The following MAP2K5 variants were observed in gnomAD, a reference collection of about 807,000 sequenced individuals.
The protein encoded by MAP2K5 is mitogen-activated protein kinase kinase 5.
MAP2K5 carries 49 observed loss-of-function variants against 83.1 expected under a neutral mutation model. That is an observed-to-expected ratio of 0.59 (90% CI 0.47 to 0.75). The LOEUF (loss-of-function observed/expected upper bound fraction) is 0.75. Among genes scored for constraint, MAP2K5 ranks in the 30% least tolerant of loss-of-function variants. The probability of loss-of-function intolerance (pLI) is 0.00; values close to 1 mark genes in which losing one functional copy is unlikely to be tolerated. For synonymous variants in MAP2K5, 202 were observed against 191.8 expected, an observed-to-expected ratio of 1.05 and a Z score of -0.44; for missense variants, 457 against 557.5, an observed-to-expected ratio of 0.82 and a Z score of 1.82.
rs1318882626 is a variant in MAP2K5 at position 67,577,390 on chromosome 15, A to G, written c.253-3364A>G. 1.3e-5 allele frequency among the ~76,000 whole-genome samples: 2 copies of G among 152,224 alleles called. No homozygotes were observed. Among genetic ancestry groups the G allele is most frequent in the Non-Finnish European group, 2.9e-5 (2 of 68,034 alleles). Reference sequence around the variant, plus strand: ...ATCAGTAAATGTTTATTAAACACCTACTATGTGCAGAGCTTTGTGTTAGGG... The same window carrying G: ...ATCAGTAAATGTTTATTAAACACCTGCTATGTGCAGAGCTTTGTGTTAGGG... On this transcript the variant is annotated intron_variant, in intron 3 of 21. Transcript: ENST00000178640. The surrounding 1 kb of genome is among the most constrained non-coding windows in gnomAD (Gnocchi z 4.1).
chr15:67,740,857 G>A (rs567651147), intron 17 of MAP2K5, among the ~76,000 whole-genome samples: 23 of 151,900 alleles, frequency 1.5e-4, no homozygotes, highest in African/African-American at 4.1e-4. Flanking sequence ...GCGAAACCCC[G>A]TCTCTACTAA....
Position 67,782,763 on chromosome 15 carries a change from C to T in MAP2K5, c.1242+10011C>T, listed in dbSNP as rs554167588. ...CGCTCTAACTCTGGGGAAGGCAGAT[C>T]GGCAACCCTGGAATGCTGGTTTATG... On this transcript the variant is annotated intron_variant, in intron 21 of 21. Transcript: ENST00000178640. This position sits in a 1 kb window ranked among gnomAD's most constrained non-coding sequence, Gnocchi z 4.9. Among the ~76,000 whole-genome samples, 10 of 152,312 alleles carry T rather than the reference C, an allele frequency of 6.6e-5. No homozygotes were observed. The highest frequency in any genetic ancestry group is 3.4e-3 in the Middle Eastern group (1 of 294).
chr15:67,769,646 A>C lies in MAP2K5; in HGVS notation c.1179A>C (p.Val393=). ...TTGGAGAGTTCTCGGAGCCATTTGT[A>C]CATTTCATCACTCAGTGGTGAGCCC... The part of the protein sequence containing the change: ...LPVGEFSEPF[V]HFITQCMRKQ... The change falls in exon 20 of 22, where the codon GTA becomes GTC. Residue 393 remains valine (V), a synonymous_variant. Transcript: ENST00000178640. This position sits in a 1 kb window ranked among gnomAD's most constrained non-coding sequence, Gnocchi z 5.2. 6.2e-7 allele frequency: 1 copy of C among 1,613,762 alleles called. No homozygotes were observed.
chr15:67,608,554 C>A (rs1471668492), intron 8 of MAP2K5, among the ~76,000 whole-genome samples: 1 of 152,194 alleles, frequency 6.6e-6, no homozygotes, highest in Non-Finnish European at 1.5e-5. Context: ...TGAGGAAGAA[C>A]TGATGGCTTT....
chr15:67,696,963 G>A (rs528940933), intron 15 of MAP2K5, among the ~76,000 whole-genome samples: 1 of 152,196 alleles, frequency 6.6e-6, no homozygotes, highest in Non-Finnish European at 1.5e-5. Context: ...TGGGCAACAA[G>A]AGTGAAACTC....
chr15:67,660,185 G>GT (rs57950818), intron 12 of MAP2K5, among the ~76,000 whole-genome samples: 1 of 151,992 alleles, frequency 6.6e-6, no homozygotes, highest in African/African-American at 2.4e-5. Flanking sequence ...TAGAAGAAAT[G>GT]TTTTTTAATA....
At chr15:67,754,877 A>C (rs2089802350) in intron 19 of MAP2K5, among the ~76,000 whole-genome samples, 1 of 152,184 alleles carries the variant, frequency 6.6e-6, no homozygotes, top group Non-Finnish European at 1.5e-5. Flanking sequence ...GGAAGGTTTG[A>C]CATGTTGAAA....
chr15:67,645,207 A>G (rs2086804068), intron 9 of MAP2K5, among the ~76,000 whole-genome samples: 1 of 147,586 alleles, frequency 6.8e-6, no homozygotes, highest in Non-Finnish European at 1.5e-5. Flanking sequence ...GCCAGTTGTG[A>G]TGGCTCATGC....
rs2084739879 is a variant in MAP2K5, at chr15:67,561,618, C to G, written c.185-1665C>G. Among the ~76,000 whole-genome samples, 1 of 152,180 alleles carries G rather than the reference C, an allele frequency of 6.6e-6. No individual in the cohort carries two copies. Among genetic ancestry groups the G allele is most frequent in the South Asian group, 2.1e-4 (1 of 4,828 alleles). On this transcript the variant is annotated intron_variant, in intron 2 of 21. Transcript: ENST00000178640. The surrounding 1 kb of genome is among the most constrained non-coding windows in gnomAD (Gnocchi z 4.2). Reference sequence around the variant, plus strand: ...GTTGGGGAACTCTGCAGCAGTGAACCAGGATCCAGAAACAAGTGCTTGGAA... The same window carrying G: ...GTTGGGGAACTCTGCAGCAGTGAACGAGGATCCAGAAACAAGTGCTTGGAA...
intron 16 of MAP2K5, among the ~76,000 whole-genome samples, chr15:67,704,277 A>T (rs995827784): frequency 6.6e-6 from 1 of 152,166 alleles, no homozygotes. Context: ...CTTAATAGAG[A>T]TAGGGTCTTG....
intron 8 of MAP2K5, among the ~76,000 whole-genome samples, chr15:67,618,455 A>G (rs2086105171): frequency 6.6e-6 from 1 of 152,094 alleles, no homozygotes; most frequent in African/African-American, 2.4e-5. Flanking sequence ...ATGGCTTTAC[A>G]TATCATCTGT....
In MAP2K5 at chr15:67,644,074, A is replaced by G. The variant is rs529910159; in HGVS notation, c.586-2157A>G. Among the ~76,000 whole-genome samples the G allele has an allele frequency of 3.9e-5, 6 of 152,272 alleles. No individual in the cohort carries two copies. The highest frequency in any genetic ancestry group is 1.2e-4 in the African/African-American group (5 of 41,548). Reference sequence around the variant, plus strand: ...AAATCATAAAAATTGTTTTCCACCTATTCTATTCTCATCACTGCCTTTTAA... The same window carrying G: ...AAATCATAAAAATTGTTTTCCACCTGTTCTATTCTCATCACTGCCTTTTAA... On this transcript the variant is annotated intron_variant, in intron 9 of 21. Transcript: ENST00000178640. The surrounding 1 kb of genome is among the most constrained non-coding windows in gnomAD (Gnocchi z 4.6).
In MAP2K5 at chr15:67,802,946, G is replaced by T. The variant is rs913459171; in HGVS notation, c.1243-3700G>T. Reference sequence around the variant, plus strand: ...CTCGAGGTTGGCTGTCTGATTGCAGGCACAGGAGAGCAAGGCGTTTGGAGT... The same window carrying T: ...CTCGAGGTTGGCTGTCTGATTGCAGTCACAGGAGAGCAAGGCGTTTGGAGT... On this transcript the variant is annotated intron_variant, in intron 21 of 21. Coordinates refer to ENST00000178640, the MANE Select transcript of MAP2K5 (RefSeq NM_145160.3). This position sits in a 1 kb window ranked among gnomAD's most constrained non-coding sequence, Gnocchi z 5.0. Among the ~76,000 whole-genome samples the T allele has an allele frequency of 6.6e-6, 1 of 152,206 alleles. No homozygotes were observed. Among genetic ancestry groups the T allele is most frequent in the Admixed American group, 6.5e-5 (1 of 15,284 alleles).
rs1448562037 is a variant in MAP2K5, at chr15:67,746,398, G to A, written c.1075-1833G>A. On this transcript the variant is annotated intron_variant, in intron 17 of 21. Coordinates refer to ENST00000178640, the MANE Select transcript of MAP2K5 (RefSeq NM_145160.3). This position sits in a 1 kb window ranked among gnomAD's most constrained non-coding sequence, Gnocchi z 4.1. ...TTTATTCATTACAAATAACTCCGTT[G>A]TTGAAGCAGATATATCTTACTAGGA... Among the ~76,000 whole-genome samples the A allele has an allele frequency of 6.6e-6, 1 of 151,978 alleles. No individual in the cohort carries two copies. The highest frequency in any genetic ancestry group is 2.4e-5 in the African/African-American group (1 of 41,390).
chr15:67,687,553 A>C (rs143219898), intron 13 of MAP2K5, among the ~76,000 whole-genome samples: 3 of 152,302 alleles, frequency 2.0e-5, no homozygotes, highest in African/African-American at 7.2e-5. Flanking sequence ...CACAGCACCT[A>C]GTACCATATC....
At chr15:67,606,284 A>G (rs78077978) in intron 8 of MAP2K5, among the ~76,000 whole-genome samples, 1,709 of 152,264 alleles carry the variant, frequency 0.011, 15 homozygotes, top group Non-Finnish European at 0.015. Flanking sequence ...CAAGACTCAT[A>G]TTTTCAGCTT....
chr15:67,647,737 G>A (rs903488541), intron 11 of MAP2K5, among the ~76,000 whole-genome samples: 10 of 152,140 alleles, frequency 6.6e-5, no homozygotes, highest in Admixed American at 4.6e-4. Flanking sequence ...AGGTGTGGTA[G>A]CGCATACCTG....
At chr15:67,584,005 T>C (rs2140998976) in intron 4 of MAP2K5, among the ~76,000 whole-genome samples, 1 of 151,992 alleles carries the variant, frequency 6.6e-6, no homozygotes, top group Middle Eastern at 3.4e-3. Context: ...CACCACCACT[T>C]CTCCAAGTGC....
chr15:67,708,322 TAA>T lies in MAP2K5; in HGVS notation c.1044+4927_1044+4928del, dbSNP rs200154926. 1.4e-5 allele frequency among the ~76,000 whole-genome samples: 2 copies of T among 142,438 alleles called. No homozygotes were observed. The highest frequency in any genetic ancestry group is 1.5e-5 in the Non-Finnish European group (1 of 64,854). The allele number at this position is 142,438 out of a possible 152,430, so 93.4% of individuals were successfully genotyped here. On this transcript the variant is annotated intron_variant, in intron 16 of 21. Transcript: ENST00000178640. The surrounding 1 kb of genome is among the most constrained non-coding windows in gnomAD (Gnocchi z 4.9). The stretch of plus-strand genomic sequence containing the variant: ...TAGTCAACAGAGCAAGATGCTGTCT[TAA>T]AAAAAAAAAAAATCAGATAGAGACA...
Sources: allele counts gnomAD v4.1 joint callset (sites outside exome capture counted in the v4.1 genomes callset), GRCh38; gene constraint gnomAD v4.1.1; non-coding constraint Gnocchi (gnomAD v3.1); transcripts MANE v1.5; gene names NCBI Gene and HGNC (gene_info 2026-07-23, HGNC 2026-07-21).